DACH2: variants seen among roughly 807,000 people sequenced by gnomAD.
DACH2 encodes dachshund family transcription factor 2.
DACH2 carries 17 observed loss-of-function variants against 35.8 expected under a neutral mutation model. The ratio of observed to expected loss-of-function variants is 0.48; its 90% CI spans 0.33 to 0.71. The LOEUF is 0.71. DACH2 is among the 30% of genes least tolerant of loss of function. The probability of loss-of-function intolerance (pLI) is 0.02; values close to 1 mark genes in which losing one functional copy is unlikely to be tolerated. For synonymous variants in DACH2, 195 were observed against 177.3 expected (o/e 1.10, Z -0.79); for missense variants, 469 against 472.7 (o/e 0.99, Z 0.07).
chrX:86,339,941 C>A (rs1312031829), intron 1 of DACH2, among the ~76,000 whole-genome samples: 1 of 111,576 alleles, frequency 9.0e-6, no homozygotes, highest in Non-Finnish European at 1.9e-5. Flanking sequence ...TATGTTAGAC[C>A]AAGAACTTCT....
At chrX:86,762,372 T>C (rs780935819) in intron 7 of DACH2, among the ~76,000 whole-genome samples, 1 of 111,420 alleles carries the variant, frequency 9.0e-6, no homozygotes, top group South Asian at 3.8e-4. Context: ...GAGCTTTTTG[T>C]ATAAATTCTT....
At chrX:86,467,957 T>C (rs951537422) in intron 2 of DACH2, among the ~76,000 whole-genome samples, 20 of 111,356 alleles carry the variant, frequency 1.8e-4, no homozygotes, top group Non-Finnish European at 3.4e-4. Flanking sequence ...GTCCCTCCCA[T>C]GATACATGGG....
intron 1 of DACH2, among the ~76,000 whole-genome samples, chrX:86,188,572 T>C (rs1350080213): frequency 8.9e-6 from 1 of 111,974 alleles, no homozygotes; most frequent in Non-Finnish European, 1.9e-5. Flanking sequence ...TTAAGGACTT[T>C]AATATGAAAG....
chrX:86,604,254 T>C (rs1453568065), intron 3 of DACH2, among the ~76,000 whole-genome samples: 1 of 111,467 alleles, frequency 9.0e-6, no homozygotes, highest in East Asian at 2.8e-4. Context: ...GTTTTATCTC[T>C]ACTAGGTAGA....
At chrX:86,277,902 AT>A (rs1409993729) in intron 1 of DACH2, among the ~76,000 whole-genome samples, 1 of 106,432 alleles carries the variant, frequency 9.4e-6, no homozygotes, top group Non-Finnish European at 1.9e-5. Context: ...ATAAAAAAAA[AT>A]TGTCATTTTG....
intron 2 of DACH2, among the ~76,000 whole-genome samples, chrX:86,407,482 CTT>C (rs2036544386): frequency 8.9e-6 from 1 of 112,078 alleles, no homozygotes; most frequent in African/African-American, 3.2e-5. Context: ...CAGACAAAAG[CTT>C]TGAGGAGAGA....
At chrX:86,553,137 C>A (rs1377939993) in intron 3 of DACH2, among the ~76,000 whole-genome samples, 1 of 110,983 alleles carries the variant, frequency 9.0e-6, no homozygotes, top group Non-Finnish European at 1.9e-5. Flanking sequence ...AGCCCGCATC[C>A]CAAAATCTCA....
intron 4 of DACH2, among the ~76,000 whole-genome samples, chrX:86,678,727 A>G (rs1216278031): frequency 1.8e-5 from 2 of 111,899 alleles, no homozygotes; most frequent in East Asian, 2.8e-4. Flanking sequence ...AAAAAAAAAT[A>G]GGCTGCTTTC....
At chrX:86,299,874 C>T (rs189690321) in intron 1 of DACH2, among the ~76,000 whole-genome samples, 40 of 111,502 alleles carry the variant, frequency 3.6e-4, no homozygotes, top group Admixed American at 3.1e-3. Flanking sequence ...CAACATAAAA[C>T]TTATTTTAGA....
intron 7 of DACH2, among the ~76,000 whole-genome samples, chrX:86,800,738 C>T (rs990942742): frequency 5.4e-5 from 6 of 111,356 alleles, no homozygotes; most frequent in East Asian, 2.8e-4. Flanking sequence ...GGTGTGATAT[C>T]GGCACACTGC....
chrX:86,680,078 T>A (rs751782098), intron 4 of DACH2, among the ~76,000 whole-genome samples: 246 of 111,931 alleles, frequency 2.2e-3, no homozygotes, highest in African/African-American at 7.5e-3. Flanking sequence ...AATAATTTAA[T>A]GATGGCAAAA....
Position 86,148,507 on chromosome X carries a change from G to A in DACH2, c.-114G>A. ...GCTGAAGACTTGCGAACAGTTCGGAGCCAGCGAGAGCGCGCCAGAGAGAGC... is the reference window on the plus strand; with the variant it reads ...GCTGAAGACTTGCGAACAGTTCGGAACCAGCGAGAGCGCGCCAGAGAGAGC... On this transcript the variant is annotated 5_prime_UTR_variant, in exon 1 of 12. Coordinates refer to ENST00000373125, the MANE Select transcript of DACH2 (RefSeq NM_053281.3). 1 of 895,861 alleles carries A rather than the reference G, an allele frequency of 1.1e-6. No homozygotes were observed. The highest frequency in any genetic ancestry group is 1.5e-6 in the Non-Finnish European group (1 of 658,518). 73.8% of individuals were successfully genotyped at this position (895,861 alleles called of 1,213,427 possible).
chrX:86,159,656 G>T (rs937135936), intron 1 of DACH2, among the ~76,000 whole-genome samples: 3 of 111,702 alleles, frequency 2.7e-5, no homozygotes, highest in Admixed American at 9.5e-5. Context: ...TATGTGCAAG[G>T]CTCCTTATCA....
intron 2 of DACH2, among the ~76,000 whole-genome samples, chrX:86,402,738 A>G (rs1196749805): frequency 8.9e-6 from 1 of 112,066 alleles, no homozygotes; most frequent in African/African-American, 3.2e-5. Context: ...AATCCTGAGC[A>G]AAAAGAACAA....
At chrX:86,185,294 AG>A (rs1029022882) in intron 1 of DACH2, among the ~76,000 whole-genome samples, 3 of 111,991 alleles carry the variant, frequency 2.7e-5, no homozygotes, top group African/African-American at 9.7e-5. Flanking sequence ...GCCTATCTGT[AG>A]GCAAGGTTCT....
At chrX:86,642,119 G>C (rs1474087908) in intron 3 of DACH2, among the ~76,000 whole-genome samples, 1 of 111,500 alleles carries the variant, frequency 9.0e-6, no homozygotes, top group Non-Finnish European at 1.9e-5. Context: ...TACTAACCTT[G>C]AATGTAAATG....
intron 2 of DACH2, among the ~76,000 whole-genome samples, chrX:86,452,041 T>A (rs1174496223): frequency 1.8e-5 from 2 of 111,829 alleles, no homozygotes; most frequent in Admixed American, 1.9e-4. Context: ...CATAAAGGGA[T>A]GTTGAATTTT....
chrX:86,238,182 C>A (rs1234577785), intron 1 of DACH2, among the ~76,000 whole-genome samples: 3 of 112,218 alleles, frequency 2.7e-5, no homozygotes, highest in East Asian at 5.6e-4. Flanking sequence ...CCTCATTGAA[C>A]TCATTTTGTG....
chrX:86,296,602 C>T, intron 1 of DACH2, among the ~76,000 whole-genome samples: 1 of 110,512 alleles, frequency 9.0e-6, no homozygotes, highest in Non-Finnish European at 1.9e-5. Context: ...CATTATTAGA[C>T]CCTCTTTGTT....
Sources: allele counts gnomAD v4.1 joint callset (sites outside exome capture counted in the v4.1 genomes callset), GRCh38; gene constraint gnomAD v4.1.1; transcripts MANE v1.5; gene names NCBI Gene and HGNC (gene_info 2026-07-23, HGNC 2026-07-21).